The following CCDC102B variants were observed in gnomAD, a reference collection of about 807,000 sequenced individuals.
CCDC102B encodes coiled-coil domain-containing protein 102B.
Under a neutral mutation model 57.4 loss-of-function variants are expected in CCDC102B, and 75 were observed. The observed-to-expected ratio is 1.31, with a 90% confidence interval of 1.08 to 1.58. The LOEUF is 1.58. CCDC102B is among the 40% of genes most tolerant of loss of function. The pLI is 0.00. For synonymous variants in CCDC102B, 206 were observed against 201.9 expected, an observed-to-expected ratio of 1.02 and a Z score of -0.17; for missense variants, 636 against 582.6, an observed-to-expected ratio of 1.09 and a Z score of -0.94.
chr18:68,791,475 T>G (rs2035456082), intron 2 of CCDC102B, among the ~76,000 whole-genome samples: 1 of 152,190 alleles, frequency 6.6e-6, no homozygotes, highest in Admixed American at 6.5e-5. Context: ...TCAGAAAAAT[T>G]AATTATACAC....
chr18:68,879,518 A>T (rs572517645), intron 5 of CCDC102B, among the ~76,000 whole-genome samples: 1 of 152,086 alleles, frequency 6.6e-6, no homozygotes, highest in Non-Finnish European at 1.5e-5. Flanking sequence ...CTAGACAGAA[A>T]GGTTCTCCAC....
downstream of CCDC102B, among the ~76,000 whole-genome samples, chr18:69,057,184 A>C (rs1221887056): frequency 1.3e-5 from 2 of 151,986 alleles, no homozygotes. Flanking sequence ...TACATATTTT[A>C]TGTTTTTGTT....
At chr18:68,983,883 G>A (rs2050657244) in intron 6 of CCDC102B, among the ~76,000 whole-genome samples, 1 of 151,892 alleles carries the variant, frequency 6.6e-6, no homozygotes, top group South Asian at 2.1e-4. Context: ...CATGTTTAAA[G>A]GAGTGAAAAA....
chr18:68,886,092 C>G (rs1023162560), intron 5 of CCDC102B, among the ~76,000 whole-genome samples: 1 of 151,322 alleles, frequency 6.6e-6, no homozygotes, highest in Non-Finnish European at 1.5e-5. Flanking sequence ...AACACGTGGC[C>G]GGGGGCAGTG....
intron 2 of CCDC102B, among the ~76,000 whole-genome samples, chr18:68,785,362 C>A (rs1279137222): frequency 2.0e-5 from 3 of 152,164 alleles, no homozygotes; most frequent in African/African-American, 7.2e-5. Context: ...ATGGCTAGGT[C>A]AAATGGTACT....
At chr18:68,965,055 T>G (rs2050134703) in intron 6 of CCDC102B, among the ~76,000 whole-genome samples, 2 of 152,056 alleles carry the variant, frequency 1.3e-5, no homozygotes, top group Non-Finnish European at 2.9e-5. Context: ...ATGATGTGTC[T>G]TGGCATGAAT....
intron 2 of CCDC102B, among the ~76,000 whole-genome samples, chr18:68,790,044 T>A (rs1015252523): frequency 5.4e-5 from 8 of 148,178 alleles, no homozygotes; most frequent in African/African-American, 2.1e-4. Flanking sequence ...GTTTTCCTTC[T>A]AACAGACAGG....
At chr18:68,813,781 TA>T (rs1281925628) in intron 1 of CCDC102B, among the ~76,000 whole-genome samples, 1 of 149,950 alleles carries the variant, frequency 6.7e-6, no homozygotes, top group Non-Finnish European at 1.5e-5. Flanking sequence ...ATTTTATATA[TA>T]TATATATATA....
intron 7 of CCDC102B, among the ~76,000 whole-genome samples, chr18:69,034,930 C>G (rs2052247703): frequency 6.6e-6 from 1 of 151,782 alleles, no homozygotes; most frequent in African/African-American, 2.4e-5. Context: ...AGAAAACTAT[C>G]TCCAGCCTGT....
intron 6 of CCDC102B, among the ~76,000 whole-genome samples, chr18:68,996,597 A>C (rs901525238): frequency 1.3e-5 from 2 of 152,204 alleles, no homozygotes. Flanking sequence ...TTGGACTTGC[A>C]TGGGGCCTGT....
intron 2 of CCDC102B, among the ~76,000 whole-genome samples, chr18:68,762,102 T>G (rs1472639276): frequency 6.6e-6 from 1 of 152,158 alleles, no homozygotes; most frequent in East Asian, 1.9e-4. Context: ...CAGTTTTTGT[T>G]ACGCACAGTC....
intron 6 of CCDC102B, among the ~76,000 whole-genome samples, chr18:68,906,808 G>A (rs11660484): frequency 0.26 from 39,148 of 148,828 alleles, 6,168 homozygotes; most frequent in Non-Finnish European, 0.36. Context: ...TTTGATACAC[G>A]CAGTTTTACA....
At chr18:69,047,426 C>T (rs1386254520) in intron 7 of CCDC102B, among the ~76,000 whole-genome samples, 1 of 152,084 alleles carries the variant, frequency 6.6e-6, no homozygotes, top group African/African-American at 2.4e-5. Context: ...AAACCCACAA[C>T]CAACATTATA....
chr18:68,765,119 A>G (rs1171915009), intron 2 of CCDC102B, among the ~76,000 whole-genome samples: 2 of 149,726 alleles, frequency 1.3e-5, no homozygotes, highest in Non-Finnish European at 3.0e-5. Flanking sequence ...GCTACTCTGG[A>G]GACTGAAGTG....
intron 4 of CCDC102B, among the ~76,000 whole-genome samples, chr18:68,850,573 G>A (rs983378515): frequency 3.9e-5 from 6 of 152,048 alleles, no homozygotes; most frequent in African/African-American, 1.4e-4. Flanking sequence ...GATACTTGGA[G>A]TCTGAAGAGT....
At chr18:68,760,551 A>T (rs2034220279) in intron 2 of CCDC102B, among the ~76,000 whole-genome samples, 2 of 152,108 alleles carry the variant, frequency 1.3e-5, no homozygotes, top group African/African-American at 4.8e-5. Context: ...AAAGCCTTGT[A>T]ATTGTACAAC....
At chr18:69,040,420 A>G (rs2116272) in intron 7 of CCDC102B, among the ~76,000 whole-genome samples, 1,530 of 10,834 alleles carry the variant, frequency 0.14, 20 homozygotes, top group African/African-American at 0.2. Context: ...GTGTGTGTGT[A>G]TGTGTGTGTG....
chr18:68,838,218 CTCATGA>C (rs2037470595), intron 2 of CCDC102B, among the ~76,000 whole-genome samples: 1 of 152,140 alleles, frequency 6.6e-6, no homozygotes, highest in Admixed American at 6.5e-5. Context: ...TTAGATGTGA[CTCATGA>C]ATTAAAGCAA....
chr18:69,040,849 T>G (rs1364355075), intron 7 of CCDC102B, among the ~76,000 whole-genome samples: 1 of 152,090 alleles, frequency 6.6e-6, no homozygotes, highest in African/African-American at 2.4e-5. Flanking sequence ...ATGTTATCAA[T>G]ATCAGTAGCC....
Sources: gnomAD v4.1 joint callset for allele counts (sites outside exome capture counted in the v4.1 genomes callset) on GRCh38, gnomAD v4.1.1 for gene constraint, MANE v1.5 for transcripts, NCBI Gene and HGNC (gene_info 2026-07-23, HGNC 2026-07-21) for gene names.